Variants in CCDC102B observed in about 807,000 individuals in gnomAD.
The protein encoded by CCDC102B is coiled-coil domain containing 102B, also known as coiled-coil domain-containing protein 102B.
Under a neutral mutation model 57.4 loss-of-function variants are expected in CCDC102B, and 75 were observed. That is an observed-to-expected ratio of 1.31 (90% CI 1.08 to 1.58). CCDC102B has a LOEUF of 1.58. CCDC102B is among the 40% of genes most tolerant of loss of function. The probability of loss-of-function intolerance (pLI) is 0.00; values close to 1 mark genes in which losing one functional copy is unlikely to be tolerated. For synonymous variants in CCDC102B, 206 were observed against 201.9 expected (o/e 1.02, Z -0.17); for missense variants, 636 against 582.6 (o/e 1.09, Z -0.94).
intron 5 of CCDC102B, among the ~76,000 whole-genome samples, chr18:68,882,591 C>T (rs1425610646): frequency 6.6e-6 from 1 of 152,074 alleles, no homozygotes; most frequent in Non-Finnish European, 1.5e-5. Context: ...CTAAATAAGC[C>T]AAGAATGTAA....
chr18:68,893,367 A>C (rs2145002857), intron 5 of CCDC102B, among the ~76,000 whole-genome samples: 1 of 152,232 alleles, frequency 6.6e-6, no homozygotes, highest in Non-Finnish European at 1.5e-5. Context: ...CACTGTGTTC[A>C]CTACTATAAA....
At chr18:68,890,371 G>A (rs1026899801) in intron 5 of CCDC102B, among the ~76,000 whole-genome samples, 6 of 152,092 alleles carry the variant, frequency 3.9e-5, no homozygotes, top group African/African-American at 1.4e-4. Context: ...GAGTAACTGA[G>A]ACCAAAGGCA....
intron 1 of CCDC102B, among the ~76,000 whole-genome samples, chr18:68,808,338 A>C (rs1479284097): frequency 2.0e-5 from 3 of 152,100 alleles, no homozygotes; most frequent in Admixed American, 2.0e-4. Flanking sequence ...GCATTTTGTC[A>C]ATATATTACT....
At chr18:68,875,852 G>A (rs2039423204) in intron 5 of CCDC102B, among the ~76,000 whole-genome samples, 1 of 152,132 alleles carries the variant, frequency 6.6e-6, no homozygotes, top group South Asian at 2.1e-4. Flanking sequence ...AGCTGCTTAG[G>A]AGAATTATAT....
intron 1 of CCDC102B, among the ~76,000 whole-genome samples, chr18:68,834,922 T>C (rs1449147806): frequency 6.6e-6 from 1 of 151,902 alleles, no homozygotes; most frequent in African/African-American, 2.4e-5. Context: ...TCTGTAACTA[T>C]ATAAAAGCAG....
At chr18:68,731,068 C>T (rs2032838922) in intron 2 of CCDC102B, among the ~76,000 whole-genome samples, 1 of 152,136 alleles carries the variant, frequency 6.6e-6, no homozygotes, top group East Asian at 1.9e-4. Context: ...CTCGCTCCAA[C>T]TTCTGCCTCC....
chr18:68,763,488 A>G (rs556398675), intron 2 of CCDC102B, among the ~76,000 whole-genome samples: 1 of 152,304 alleles, frequency 6.6e-6, no homozygotes, highest in Admixed American at 6.5e-5. Flanking sequence ...CAATGTAAAA[A>G]AAATGCTTGC....
chr18:69,023,498 TTAATC>T (rs1359942061), intron 7 of CCDC102B, among the ~76,000 whole-genome samples: 1 of 151,756 alleles, frequency 6.6e-6, no homozygotes, highest in Non-Finnish European at 1.5e-5. Flanking sequence ...AATATAATAT[TTAATC>T]TAATCTTTAT....
intron 6 of CCDC102B, among the ~76,000 whole-genome samples, chr18:68,934,153 T>A (rs1284294445): frequency 6.6e-6 from 1 of 151,998 alleles, no homozygotes; most frequent in East Asian, 1.9e-4. Context: ...GTAATTTAAC[T>A]AAATTTCTTA....
intron 3 of CCDC102B, among the ~76,000 whole-genome samples, chr18:68,839,489 T>C (rs1390686617): frequency 1.3e-5 from 2 of 152,234 alleles, no homozygotes; most frequent in East Asian, 1.9e-4. Flanking sequence ...TTATCTATTA[T>C]CTTGAAACAA....
intron 1 of CCDC102B, among the ~76,000 whole-genome samples, chr18:68,825,227 G>A (rs1417459877): frequency 6.6e-6 from 1 of 152,110 alleles, no homozygotes; most frequent in East Asian, 1.9e-4. Context: ...AAATTTTAAT[G>A]CCACTTTATG....
intron 6 of CCDC102B, among the ~76,000 whole-genome samples, chr18:68,933,597 T>A (rs929837647): frequency 4.6e-5 from 7 of 151,900 alleles, no homozygotes; most frequent in African/African-American, 1.4e-4. Flanking sequence ...TGTGGAGCTA[T>A]AATTTCCTTA....
At chr18:68,878,503 G>A (rs1401993774) in intron 5 of CCDC102B, among the ~76,000 whole-genome samples, 1 of 152,088 alleles carries the variant, frequency 6.6e-6, no homozygotes, top group Non-Finnish European at 1.5e-5. Context: ...CTTCCAAGGT[G>A]AAATCAACTC....
At chr18:68,741,399 A>T (rs1260755268) in intron 2 of CCDC102B, among the ~76,000 whole-genome samples, 2 of 152,120 alleles carry the variant, frequency 1.3e-5, no homozygotes, top group Non-Finnish European at 2.9e-5. Flanking sequence ...TCCTCACAAG[A>T]AAAGTTGATG....
At chr18:68,920,034 G>T (rs946472060) in intron 6 of CCDC102B, among the ~76,000 whole-genome samples, 1 of 151,960 alleles carries the variant, frequency 6.6e-6, no homozygotes, top group Non-Finnish European at 1.5e-5. Flanking sequence ...TGTGTCATGG[G>T]GATTTGTTGT....
intron 6 of CCDC102B, among the ~76,000 whole-genome samples, chr18:68,927,571 A>G (rs939117655): frequency 2.0e-5 from 3 of 152,024 alleles, no homozygotes; most frequent in Non-Finnish European, 4.4e-5. Flanking sequence ...CCTAGAAATG[A>G]CATTGATTGA....
chr18:68,858,093 C>T (rs2038563398), intron 4 of CCDC102B, among the ~76,000 whole-genome samples: 1 of 152,166 alleles, frequency 6.6e-6, no homozygotes, highest in South Asian at 2.1e-4. Context: ...GACCTGAAGA[C>T]ATCTAATCAC....
At chr18:68,836,677 A>AGGTCTTGTTCCTGTATTTAC (rs2037384723) in intron 1 of CCDC102B, 72 bp from the exon 2 acceptor site, 1 of 847,560 alleles carries the variant, frequency 1.2e-6, no homozygotes, top group African/African-American at 2.0e-5. Context: ...AAAAAAAAAA[A>AGGTCTTGTTCCTGTATTTAC]AAGTGTAGGT....
chr18:68,958,894 G>C lies in CCDC102B; in HGVS notation c.1264-52040G>C, dbSNP rs117047716. On this transcript the variant is annotated intron_variant, in intron 6 of 7. Transcript: ENST00000360242. ...TGTTAAATTTATCTGATAAGATTCT[G>C]AGTTCCTTCTCTGTGTTATATTTTA... Among the ~76,000 whole-genome samples the C allele has an allele frequency of 4.7e-4, 72 of 152,198 alleles. 1 individual carries two copies. In the East Asian group the frequency reaches 0.014, roughly 29 times the overall value.
Sources: allele counts gnomAD v4.1 joint callset (sites outside exome capture counted in the v4.1 genomes callset), GRCh38; gene constraint gnomAD v4.1.1; transcripts MANE v1.5; gene names NCBI Gene and HGNC (gene_info 2026-07-23, HGNC 2026-07-21).